Variants in CD99L2 observed in about 807,000 individuals in gnomAD.
CD99L2 encodes the protein CD99 antigen-like protein 2.
CD99L2 carries 24 observed loss-of-function variants against 27.3 expected under a neutral mutation model. The observed-to-expected ratio is 0.88, with a 90% CI of 0.64 to 1.24. CD99L2 has a LOEUF of 1.24. Among genes scored for constraint, CD99L2 ranks in the 50% most tolerant of loss-of-function variants. CD99L2 has a pLI of 0.00. For synonymous variants in CD99L2, 97 were observed against 87.9 expected (o/e 1.10, Z -0.58); for missense variants, 255 against 221.6 (o/e 1.15, Z -0.96).
chrX:150,839,468 C>T (rs1557421315), intron 1 of CD99L2, among the ~76,000 whole-genome samples: 1 of 111,886 alleles, frequency 8.9e-6, no homozygotes, highest in Non-Finnish European at 1.9e-5. Context: ...TGTAGACCAG[C>T]TAGATGATAA....
At chrX:150,831,926 A>G (rs2046451159) in intron 1 of CD99L2, among the ~76,000 whole-genome samples, 2 of 111,986 alleles carry the variant, frequency 1.8e-5, no homozygotes, top group Admixed American at 1.9e-4. Context: ...ATCTAAAGAG[A>G]GAGAGAGACT....
At chrX:150,770,197 TAGA>T in intron 10 of CD99L2, 104 bp downstream of exon 10, 1 of 772,986 alleles carries the variant, frequency 1.3e-6, no homozygotes. Context: ...CCGGACATTC[TAGA>T]AGCAGACGCC....
intron 2 of CD99L2, among the ~76,000 whole-genome samples, chrX:150,829,790 T>C (rs908874131): frequency 3.6e-5 from 4 of 111,660 alleles, no homozygotes; most frequent in Non-Finnish European, 7.5e-5. Flanking sequence ...GTAGTTCTCA[T>C]GTCAGTTAGA....
intron 2 of CD99L2, among the ~76,000 whole-genome samples, chrX:150,824,365 GAAGAAGAAGAAGAAGA>G (rs1302400943): frequency 1.2e-5 from 1 of 86,488 alleles, no homozygotes; most frequent in Non-Finnish European, 2.3e-5. Context: ...GAAGAAGGAA[GAAGAAGAAGAAGAAGA>G]AAGAAGAAGA....
At position 150,830,194 on chromosome X, in the gene CD99L2, GA is replaced by G. The variant is rs1376847634; in HGVS notation, c.130+1036del. ...AAACAAATAAATAAAGTTAAAAAAT[GA>G]AAAAAAAAAGGAAAATTGATAACAA... is the stretch of plus-strand genomic sequence containing the variant. On this transcript the variant is annotated intron_variant, in intron 2 of 10. Transcript: ENST00000370377. 2.5e-3 allele frequency among the ~76,000 whole-genome samples: 253 copies of G among 100,935 alleles called. No homozygotes were observed. The Middle Eastern group carries it at 0.03, about 12-fold the overall frequency. The allele number at this position is 100,935 out of a possible 115,157, so 87.6% of individuals were successfully genotyped here. A position where few individuals can be genotyped will look rare whatever the true frequency, so the allele number is the denominator to read the frequency against.
At chrX:150,822,582 A>C (rs2046258017) in intron 2 of CD99L2, among the ~76,000 whole-genome samples, 1 of 112,025 alleles carries the variant, frequency 8.9e-6, no homozygotes, top group African/African-American at 3.2e-5. Flanking sequence ...TGAGGACTAT[A>C]GCTAATAACA....
intron 1 of CD99L2, among the ~76,000 whole-genome samples, chrX:150,866,187 C>CA (rs1296351608): frequency 1.8e-5 from 2 of 111,056 alleles, no homozygotes; most frequent in East Asian, 5.6e-4. Flanking sequence ...GCAGAGAACC[C>CA]AAAGACATGG....
intron 7 of CD99L2, among the ~76,000 whole-genome samples, chrX:150,792,346 A>AAAT (rs1180612182): frequency 8.9e-6 from 1 of 111,842 alleles, no homozygotes; most frequent in Non-Finnish European, 1.9e-5. Context: ...TACTGCTCTC[A>AAAT]TTTCACCATC....
At chrX:150,802,359 T>C (rs2045921048) in intron 4 of CD99L2, among the ~76,000 whole-genome samples, 1 of 108,746 alleles carries the variant, frequency 9.2e-6, no homozygotes, top group South Asian at 4.1e-4. Flanking sequence ...AGCTCAGGAG[T>C]TTGAGACCAG....
intron 1 of CD99L2, among the ~76,000 whole-genome samples, chrX:150,846,327 G>A (rs1437911768): frequency 2.7e-5 from 3 of 112,213 alleles, no homozygotes; most frequent in African/African-American, 9.7e-5. Flanking sequence ...CTGTTCCAGG[G>A]CAACACATGA....
chrX:150,796,320 T>C (rs1237469099), intron 4 of CD99L2, among the ~76,000 whole-genome samples: 1 of 112,401 alleles, frequency 8.9e-6, no homozygotes, highest in Non-Finnish European at 1.9e-5. Context: ...ATCAAAGAAA[T>C]GTAGGTCTGA....
At chrX:150,800,992 T>C (rs1218219102) in intron 4 of CD99L2, among the ~76,000 whole-genome samples, 4 of 108,855 alleles carry the variant, frequency 3.7e-5, no homozygotes, top group African/African-American at 6.7e-5. Flanking sequence ...GACCACGCCA[T>C]TGCACTCCAG....
chrX:150,824,487 GAAGAAGAAGA>G (rs199544988), intron 2 of CD99L2, among the ~76,000 whole-genome samples: 1,600 of 81,658 alleles, frequency 0.02, 59 homozygotes, highest in African/African-American at 0.074. Flanking sequence ...AAAGAAGAAA[GAAGAAGAAGA>G]AAGAAGAAGA....
intron 6 of CD99L2, among the ~76,000 whole-genome samples, chrX:150,794,802 C>A (rs2045764124): frequency 8.9e-6 from 1 of 112,074 alleles, no homozygotes; most frequent in Non-Finnish European, 1.9e-5. Flanking sequence ...CTGTGAGAAG[C>A]CAGCTGCTTC....
rs782401045 is a variant in CD99L2, at chrX:150,793,202, C to G, written c.496+489G>C. On this transcript the variant is annotated intron_variant, in intron 7 of 10. Transcript: ENST00000370377. ...AAGGAGAAGCTAGGTGAAGTATACA[C>G]ATGAACTCTCTTGAACTATTTTTAC... is the stretch of plus-strand genomic sequence containing the variant. Among the ~76,000 whole-genome samples, 3 of 112,126 alleles carry G rather than the reference C, an allele frequency of 2.7e-5. No individual in the cohort carries two copies. The Admixed American group carries it at 2.8e-4, about 11-fold the overall frequency.
chrX:150,894,659 CT>C (rs2047577670), intron 1 of CD99L2, among the ~76,000 whole-genome samples: 2 of 111,062 alleles, frequency 1.8e-5, no homozygotes, highest in Admixed American at 1.9e-4. Flanking sequence ...GCGATCTTGG[CT>C]CATTGCAACC....
chrX:150,781,925 C>T (rs999591116), intron 7 of CD99L2, among the ~76,000 whole-genome samples: 17 of 112,212 alleles, frequency 1.5e-4, no homozygotes, highest in Admixed American at 7.6e-4. Context: ...CAATGCTATA[C>T]GCATACATGG....
chrX:150,805,325 TG>T (rs2045979342), intron 4 of CD99L2, among the ~76,000 whole-genome samples: 1 of 110,438 alleles, frequency 9.1e-6, no homozygotes, highest in Non-Finnish European at 1.9e-5. Flanking sequence ...GGGGCTGGGG[TG>T]GGGAGTAGGG....
rs782097401 is a variant in CD99L2 at position 150,829,580 on chromosome X, A to G, written c.130+1651T>C. ...AAAGTTCTGTTGTTTTAAGCCATCT[A>G]GTTTGTGGTACATTCCTAAGGCAGC... On this transcript the variant is annotated intron_variant, in intron 2 of 10. Coordinates refer to ENST00000370377, the MANE Select transcript of CD99L2 (RefSeq NM_031462.4). 7.0e-4 allele frequency: 224 copies of G among 320,657 alleles called. 1 individual carries two copies. The highest frequency in any genetic ancestry group is 5.4e-3 in the African/African-American group (201 of 37,245). The allele number at this position is 320,657 out of a possible 1,213,427, so 26.4% of individuals were successfully genotyped here.
Sources: gnomAD v4.1 joint callset for allele counts (sites outside exome capture counted in the v4.1 genomes callset) on GRCh38, gnomAD v4.1.1 for gene constraint, MANE v1.5 for transcripts, NCBI Gene and HGNC (gene_info 2026-07-23, HGNC 2026-07-21) for gene names.